KIF13A: variants seen among roughly 807,000 people sequenced by gnomAD.
The protein encoded by KIF13A is kinesin family member 13A, also known as kinesin-like protein KIF13A.
Under a neutral mutation model 212.2 loss-of-function variants are expected in KIF13A, and 79 were observed. That is an observed-to-expected ratio of 0.37 (90% CI 0.31 to 0.45). KIF13A has a LOEUF of 0.45. Among genes scored for constraint, KIF13A ranks in the 20% least tolerant of loss-of-function variants. The probability of loss-of-function intolerance (pLI) is 1.00; values close to 1 mark genes in which losing one functional copy is unlikely to be tolerated. For synonymous variants in KIF13A, 789 were observed against 808.6 expected (o/e 0.98, Z 0.41); for missense variants, 1,901 against 2,209.0 (o/e 0.86, Z 2.79).
chr6:17,894,899 A>G (rs1772424568), intron 3 of KIF13A, among the ~76,000 whole-genome samples: 1 of 152,162 alleles, frequency 6.6e-6, no homozygotes, highest in South Asian at 2.1e-4. Context: ...GGATTGATAG[A>G]AAGGATGTGA....
Position 17,799,121 on chromosome 6 carries a change from C to T in KIF13A, c.2790+145G>A, listed in dbSNP as rs913566619. The T allele has an allele frequency of 2.2e-6, 1 of 455,200 alleles. No homozygotes were observed. Among genetic ancestry groups the T allele is most frequent in the Non-Finnish European group, 3.8e-6 (1 of 263,936 alleles). The allele number at this position is 455,200 out of a possible 1,614,324, so 28.2% of individuals were successfully genotyped here. A position where few individuals can be genotyped will look rare whatever the true frequency, so the allele number is the denominator to read the frequency against. On this transcript the variant is annotated intron_variant, in intron 22 of 38. Coordinates refer to ENST00000259711, the MANE Select transcript of KIF13A (RefSeq NM_022113.6). This position sits in a 1 kb window ranked among gnomAD's most constrained non-coding sequence, Gnocchi z 4.4. ...ATTTTAAATATTTCTAAACTATTTG[C>T]ATTTGTAATGAGGTACATTTTTGAG...
chr6:17,983,766 G>C (rs1781314457), intron 2 of KIF13A, among the ~76,000 whole-genome samples: 1 of 152,062 alleles, frequency 6.6e-6, no homozygotes, highest in South Asian at 2.1e-4. Context: ...GGGATTACAG[G>C]TGTGAGCTAC....
At chr6:17,823,897 C>T (rs1764696186) in intron 16 of KIF13A, among the ~76,000 whole-genome samples, 1 of 151,256 alleles carries the variant, frequency 6.6e-6, no homozygotes. Flanking sequence ...GCCACCATGC[C>T]TGGCGTTTAA....
intron 4 of KIF13A, among the ~76,000 whole-genome samples, chr6:17,858,610 G>C (rs554537770): frequency 6.6e-6 from 1 of 152,220 alleles, no homozygotes; most frequent in Non-Finnish European, 1.5e-5. Context: ...CTTAAATCTG[G>C]AGCCAAGGCC....
At chr6:17,774,894 CTTTTTT>C (rs1025540967) in intron 35 of KIF13A, 115 bp downstream of exon 35, 6 of 630,026 alleles carry the variant, frequency 9.5e-6, no homozygotes, top group Non-Finnish European at 1.6e-5. Flanking sequence ...TTTTCTTTTT[CTTTTTT>C]TTTAAACTGA....
rs1781660520 is a variant in KIF13A at position 17,987,284 on chromosome 6, C to T, written c.55+125G>A. On this transcript the variant is annotated intron_variant, in intron 1 of 38. Transcript: ENST00000259711. The surrounding 1 kb of genome is among the most constrained non-coding windows in gnomAD (Gnocchi z 7.7). The stretch of plus-strand genomic sequence containing the variant: ...GGCGCCCCGGGCACCACGGCCAGCG[C>T]GGACGCCGCCTCCGCCCCGGCCCCC... 2 of 853,580 alleles carry T rather than the reference C, an allele frequency of 2.3e-6. No homozygotes were observed. The highest frequency in any genetic ancestry group is 9.2e-5 in the South Asian group (2 of 21,830). 52.9% of individuals were successfully genotyped at this position (853,580 alleles called of 1,614,324 possible). A position where few individuals can be genotyped will look rare whatever the true frequency, so the allele number is the denominator to read the frequency against.
intron 2 of KIF13A, among the ~76,000 whole-genome samples, chr6:17,903,674 T>C (rs1459051718): frequency 6.6e-6 from 1 of 152,010 alleles, no homozygotes; most frequent in Non-Finnish European, 1.5e-5. Context: ...AGAGAGAGGA[T>C]CTGGAAAGGG....
At chr6:17,933,208 A>G (rs1404504934) in intron 2 of KIF13A, among the ~76,000 whole-genome samples, 2 of 152,154 alleles carry the variant, frequency 1.3e-5, no homozygotes, top group Non-Finnish European at 2.9e-5. Context: ...AAGTGCAGGT[A>G]TAACATGATT....
chr6:17,933,835 A>C (rs981855418), intron 2 of KIF13A, among the ~76,000 whole-genome samples: 1 of 152,198 alleles, frequency 6.6e-6, no homozygotes, highest in African/African-American at 2.4e-5. Context: ...AATTTCAACT[A>C]GTTCGACCTG....
intron 3 of KIF13A, chr6:17,881,821 C>T: frequency 2.8e-6 from 1 of 351,382 alleles, no homozygotes; most frequent in Non-Finnish European, 5.6e-6. Context: ...CATGGTGAAA[C>T]CTTGTCTCTA....
chr6:17,808,597 T>C (rs1763177839), intron 18 of KIF13A, among the ~76,000 whole-genome samples, 171 bp downstream of exon 18: 1 of 152,226 alleles, frequency 6.6e-6, no homozygotes, highest in Non-Finnish European at 1.5e-5. Context: ...GAACATCATT[T>C]AAATAGCATT....
intron 17 of KIF13A, among the ~76,000 whole-genome samples, chr6:17,810,585 C>T (rs1763348570): frequency 6.6e-6 from 1 of 152,182 alleles, no homozygotes; most frequent in South Asian, 2.1e-4. Flanking sequence ...ATTTATTGTG[C>T]ACTTTATTTC....
At chr6:17,847,622 C>G (rs1299535113) in intron 9 of KIF13A, among the ~76,000 whole-genome samples, 3 of 152,122 alleles carry the variant, frequency 2.0e-5, no homozygotes, top group Non-Finnish European at 4.4e-5. Flanking sequence ...TACAGCTCAA[C>G]AGAAAAAGAT....
rs1761840250 is a variant in KIF13A, at chr6:17,794,172, A to T, written c.3222+77T>A. 1.7e-6 allele frequency: 2 copies of T among 1,145,756 alleles called. No individual in the cohort carries two copies. Among genetic ancestry groups the T allele is most frequent in the Admixed American group, 4.2e-5 (2 of 47,690 alleles). The allele number at this position is 1,145,756 out of a possible 1,614,324, so 71.0% of individuals were successfully genotyped here. ...TACGGTTAAGGCAAAGAGTTCTGTT[A>T]TATTGGCAAAGAGGTCCCCCTGGGA... is the stretch of plus-strand genomic sequence containing the variant. On this transcript the variant is annotated intron_variant, in intron 25 of 38. Coordinates refer to ENST00000259711, the MANE Select transcript of KIF13A (RefSeq NM_022113.6). The surrounding 1 kb of genome is among the most constrained non-coding windows in gnomAD (Gnocchi z 4.1).
rs780472946 is a variant in KIF13A at position 17,834,901 on chromosome 6, T to C, written c.1156-830A>G. On this transcript the variant is annotated intron_variant, in intron 11 of 38. Coordinates refer to ENST00000259711, the MANE Select transcript of KIF13A (RefSeq NM_022113.6). This position sits in a 1 kb window ranked among gnomAD's most constrained non-coding sequence, Gnocchi z 4.0. Reference sequence around the variant, plus strand: ...AGTGCTGAGTACAGTGGGACATATATGAAAATTATAGGCCAGGCCAATGGC... The same window carrying C: ...AGTGCTGAGTACAGTGGGACATATACGAAAATTATAGGCCAGGCCAATGGC... Among the ~76,000 whole-genome samples the C allele has an allele frequency of 6.6e-6, 1 of 151,918 alleles. No homozygotes were observed. Among genetic ancestry groups the C allele is most frequent in the Admixed American group, 6.6e-5 (1 of 15,248 alleles).
chr6:17,922,683 T>C (rs1775183950), intron 2 of KIF13A, among the ~76,000 whole-genome samples: 1 of 151,958 alleles, frequency 6.6e-6, no homozygotes, highest in African/African-American at 2.4e-5. Context: ...GACACTCCTT[T>C]GGGTCCACTC....
chr6:17,894,165 T>G (rs12210788), intron 3 of KIF13A, among the ~76,000 whole-genome samples: 112,935 of 146,352 alleles, frequency 0.77, 43,315 homozygotes, highest in South Asian at 0.84. Context: ...TGAGACAGGG[T>G]TCTGTCGCCC....
chr6:17,804,949 C>G (rs1014191928), intron 19 of KIF13A, among the ~76,000 whole-genome samples: 1 of 150,942 alleles, frequency 6.6e-6, no homozygotes, highest in Non-Finnish European at 1.5e-5. Flanking sequence ...ACCTCACTTG[C>G]AGCTTTTTCA....
intron 16 of KIF13A, among the ~76,000 whole-genome samples, chr6:17,817,453 C>T (rs571534707): frequency 3.3e-5 from 5 of 152,288 alleles, no homozygotes; most frequent in Admixed American, 3.3e-4. Context: ...TTCTCCACAT[C>T]CTCTACGTTA....
Sources: gnomAD v4.1 joint callset for allele counts (sites outside exome capture counted in the v4.1 genomes callset) on GRCh38, gnomAD v4.1.1 for gene constraint, Gnocchi (gnomAD v3.1) non-coding constraint, MANE v1.5 for transcripts, NCBI Gene and HGNC (gene_info 2026-07-23, HGNC 2026-07-21) for gene names.